MSH3: variants seen among roughly 807,000 people sequenced by gnomAD.
MSH3 encodes mutS homolog 3, also known as DNA mismatch repair protein Msh3.
MSH3 carries 106 observed loss-of-function variants against 123.3 expected under a neutral mutation model. That is an observed-to-expected ratio of 0.86 (90% CI 0.73 to 1.01). The LOEUF (loss-of-function observed/expected upper bound fraction) is 1.01, where lower values mean the gene tolerates loss of function less well. MSH3 is among the 50% of genes least tolerant of loss of function. The pLI is 0.00. For missense variants in MSH3, 1,459 were observed against 1,347.6 expected (o/e 1.08, Z -1.29); for synonymous variants, 515 against 481.4 (o/e 1.07, Z -0.91).
chr5:80,694,670 G>A (rs988182496), intron 8 of MSH3, among the ~76,000 whole-genome samples: 2 of 151,794 alleles, frequency 1.3e-5, no homozygotes, highest in Admixed American at 1.3e-4. Flanking sequence ...TTGTGTCAGA[G>A]TCTGTTAGTT....
At chr5:80,687,877 G>T (rs746879057) in intron 8 of MSH3, among the ~76,000 whole-genome samples, 1 of 152,192 alleles carries the variant, frequency 6.6e-6, no homozygotes, top group Non-Finnish European at 1.5e-5. Context: ...AGGAAAAAGC[G>T]GATACAGAGA....
chr5:80,727,631 A>C (rs1260261210), intron 9 of MSH3, among the ~76,000 whole-genome samples: 1 of 152,224 alleles, frequency 6.6e-6, no homozygotes, highest in Non-Finnish European at 1.5e-5. Context: ...TTTGTTTAAC[A>C]TAACTGGGAT....
chr5:80,872,660 T>G (rs1746241744), intron 22 of MSH3, among the ~76,000 whole-genome samples: 1 of 152,136 alleles, frequency 6.6e-6, no homozygotes, highest in South Asian at 2.1e-4. Context: ...ATTAAAAAAT[T>G]AGCTGAGTGT....
intron 16 of MSH3, among the ~76,000 whole-genome samples, chr5:80,776,929 T>TATA (rs1554072702): frequency 0.01 from 947 of 91,610 alleles, 11 homozygotes; most frequent in African/African-American, 0.029. Context: ...TATATATATA[T>TATA]TTTTTTTTTT....
chr5:80,748,727 CA>C (rs1561465047), intron 12 of MSH3, among the ~76,000 whole-genome samples: 194 of 106,658 alleles, frequency 1.8e-3, no homozygotes, highest in African/African-American at 5.1e-3. Flanking sequence ...CACACACACA[CA>C]CACACCCATA....
rs747226793 is a variant in MSH3, at chr5:80,762,790, T to TTTATGTTATGTTATG, written c.1896+1142_1896+1156dup. On this transcript the variant is annotated intron_variant, in intron 13 of 23. Coordinates refer to ENST00000265081, the MANE Select transcript of MSH3 (RefSeq NM_002439.5). ...ATTTTATTTTAATTTTTTATTTTAT[T>TTTATGTTATGTTATG]TTATGTTATGTTATGTTATGTTATG... Among the ~76,000 whole-genome samples the TTTATGTTATGTTATG allele has an allele frequency of 6.1e-3, 813 of 132,924 alleles. 2 individuals carry two copies. The highest frequency in any genetic ancestry group is 0.014 in the Middle Eastern group (4 of 276). The allele number at this position is 132,924 out of a possible 152,430, so 87.2% of individuals were successfully genotyped here.
chr5:80,751,945 A>G (rs538083363), intron 12 of MSH3, among the ~76,000 whole-genome samples: 6 of 152,156 alleles, frequency 3.9e-5, no homozygotes, highest in African/African-American at 1.4e-4. Context: ...TCATCTATTC[A>G]ACGTCTGATG....
chr5:80,725,542 C>A lies in MSH3; in HGVS notation c.1430C>A (p.Ala477Glu). The A allele has an allele frequency of 1.2e-6, 2 of 1,612,658 alleles. No individual in the cohort carries two copies. Among genetic ancestry groups the A allele is most frequent in the Non-Finnish European group, 1.7e-6 (2 of 1,178,806 alleles). ...TTCCAGGCAGTTACAGAGTTTTATGCAAAAGATACAGTTGACATCAAAGGT... is the reference window on the plus strand; with the variant it reads ...TTCCAGGCAGTTACAGAGTTTTATGAAAAAGATACAGTTGACATCAAAGGT... ...HAFQAVTEFY[A>E]KDTVDIKGSQ... The change falls in exon 9 of 24, where the codon GCA (alanine) becomes GAA (glutamate). Residue 477 changes from alanine (A) to glutamate (E), a missense_variant. By Grantham distance (107) the Ala-to-Glu change is moderately radical. Coordinates refer to ENST00000265081, the MANE Select transcript of MSH3 (RefSeq NM_002439.5).
chr5:80,859,682 CTGAG>C (rs571459160), intron 21 of MSH3, among the ~76,000 whole-genome samples: 129 of 148,462 alleles, frequency 8.7e-4, no homozygotes, highest in African/African-American at 3.1e-3. Context: ...GTGGTTTTAA[CTGAG>C]TATTTTATAT....
At chr5:80,746,935 T>A (rs778183752) in intron 12 of MSH3, 1 of 157,772 alleles carries the variant, frequency 6.3e-6, no homozygotes, top group Non-Finnish European at 1.4e-5. Flanking sequence ...TGATGATAAT[T>A]ACCAAATCTT....
At chr5:80,685,757 A>T (rs999723148) in intron 8 of MSH3, among the ~76,000 whole-genome samples, 4 of 151,000 alleles carry the variant, frequency 2.6e-5, no homozygotes, top group African/African-American at 7.3e-5. Flanking sequence ...ATTTATTTGA[A>T]ATGTTTCCTC....
At chr5:80,764,791 T>C (rs1044876043) in intron 13 of MSH3, among the ~76,000 whole-genome samples, 20 of 152,236 alleles carry the variant, frequency 1.3e-4, no homozygotes, top group Admixed American at 6.5e-5. Context: ...CTGCCGAGGT[T>C]GGTGAATACA....
intron 12 of MSH3, 98 bp from the exon 13 acceptor site, chr5:80,761,448 A>T (rs963416484): frequency 1.4e-6 from 2 of 1,442,490 alleles, no homozygotes; most frequent in Admixed American, 3.4e-5. Context: ...TTTGTGCCTA[A>T]TAAGTGGCTG....
intron 4 of MSH3, among the ~76,000 whole-genome samples, chr5:80,671,954 G>C (rs1357010723): frequency 6.6e-6 from 1 of 152,132 alleles, no homozygotes; most frequent in Admixed American, 6.5e-5. Context: ...GATAGTCTTT[G>C]TGTAGGGAAA....
chr5:80,823,885 A>G (rs2112069278), intron 20 of MSH3, among the ~76,000 whole-genome samples: 1 of 152,150 alleles, frequency 6.6e-6, no homozygotes, highest in Middle Eastern at 3.4e-3. Context: ...GAGATTAGGG[A>G]GTGGTAATGA....
In MSH3 at chr5:80,872,733, G is replaced by A. The variant is rs185982833; in HGVS notation, c.3131-383G>A. On this transcript the variant is annotated intron_variant, in intron 22 of 23. Transcript: ENST00000265081. The stretch of plus-strand genomic sequence containing the variant: ...TAGGCAGGAGGATTGCTTGAGCCCA[G>A]GAGTTTGATGTTACAGTAAGGTATG... Among the ~76,000 whole-genome samples, 5 of 151,672 alleles carry A rather than the reference G, an allele frequency of 3.3e-5. No individual in the cohort carries two copies. In the East Asian group the frequency reaches 7.8e-4, roughly 24 times the overall value.
At chr5:80,696,483 C>T (rs995982042) in intron 8 of MSH3, among the ~76,000 whole-genome samples, 2 of 152,116 alleles carry the variant, frequency 1.3e-5, no homozygotes, top group East Asian at 1.9e-4. Context: ...GCTTTTTTGT[C>T]TGTGCCTGTT....
chr5:80,748,000 A>G (rs1237200986), intron 12 of MSH3, among the ~76,000 whole-genome samples: 1 of 152,210 alleles, frequency 6.6e-6, no homozygotes, highest in Admixed American at 6.5e-5. Context: ...TGCCTTACTG[A>G]TCACATCAGT....
rs144590621 is a variant in MSH3, at chr5:80,820,249, G to T, written c.2813+6508G>T. 1.7e-4 allele frequency among the ~76,000 whole-genome samples: 26 copies of T among 152,266 alleles called. No homozygotes were observed. The East Asian group carries it at 4.4e-3, about 26-fold the overall frequency. ...GTTTCCACAAAGCTAAATTTGTTCA[G>T]TTAAATAGTTCACAGTGCCCAGAAA... On this transcript the variant is annotated intron_variant, in intron 20 of 23. Transcript: ENST00000265081.
Sources: allele counts gnomAD v4.1 joint callset (sites outside exome capture counted in the v4.1 genomes callset), GRCh38; gene constraint gnomAD v4.1.1; transcripts MANE v1.5; gene names NCBI Gene and HGNC (gene_info 2026-07-23, HGNC 2026-07-21).